The following MARCHF10 variants were observed in gnomAD, a reference collection of about 807,000 sequenced individuals.
MARCHF10 encodes the protein probable E3 ubiquitin-protein ligase MARCHF10.
MARCHF10 carries 64 observed loss-of-function variants against 76.2 expected under a neutral mutation model. The ratio of observed to expected loss-of-function variants is 0.84; its 90% CI spans 0.69 to 1.03. The LOEUF (loss-of-function observed/expected upper bound fraction) is 1.03. Among genes scored for constraint, MARCHF10 ranks in the 50% least tolerant of loss-of-function variants. MARCHF10 has a pLI of 0.00. For missense variants in MARCHF10, 875 were observed against 958.0 expected, an observed-to-expected ratio of 0.91 and a Z score of 1.14; for synonymous variants, 340 against 357.5, an observed-to-expected ratio of 0.95 and a Z score of 0.55.
chr17:62,736,044 A>G lies in MARCHF10; in HGVS notation c.1824T>C (p.His608=), dbSNP rs369963317. The G allele has an allele frequency of 3.5e-5, 57 of 1,614,202 alleles. No individual in the cohort carries two copies. Among genetic ancestry groups the G allele is most frequent in the Non-Finnish European group, 4.4e-5 (52 of 1,180,034 alleles). ...TCCCATTATCATTTTGATTTGGGAA[A>G]TGAGACACTGCAAAGAAAGTAAATG... ...NTPFTFFAVS[H]FPNQNDNGSR... is the part of the protein sequence containing the mutation. Residue 608 remains histidine, a synonymous_variant, in exon 6 of 11, where the codon CAT becomes CAC. Coordinates refer to ENST00000311269, the MANE Select transcript of MARCHF10 (RefSeq NM_152598.4).
rs181252048 is a variant in MARCHF10, at chr17:62,797,948, T to G, written c.90+3698A>C. 2.6e-4 allele frequency among the ~76,000 whole-genome samples: 40 copies of G among 151,984 alleles called. 1 individual carries two copies. Among genetic ancestry groups the G allele is most frequent in the African/African-American group, 9.6e-4 (40 of 41,466 alleles). On this transcript the variant is annotated intron_variant, in intron 2 of 10. Coordinates refer to ENST00000311269, the MANE Select transcript of MARCHF10 (RefSeq NM_152598.4). Reference sequence around the variant, plus strand: ...GACTTGGTAACTGGTGGGATGGGGATGAGGAGGGAGAGGAAGAGACAGGGA... The same window carrying G: ...GACTTGGTAACTGGTGGGATGGGGAGGAGGAGGGAGAGGAAGAGACAGGGA...
intron 3 of MARCHF10, among the ~76,000 whole-genome samples, chr17:62,766,771 T>G (rs9892858): frequency 0.16 from 23,792 of 152,150 alleles, 5,063 homozygotes; most frequent in African/African-American, 0.49. Context: ...TTGAGATGTA[T>G]CATACGCGCC....
chr17:62,793,454 C>A (rs1223674655), intron 2 of MARCHF10, among the ~76,000 whole-genome samples: 1 of 133,720 alleles, frequency 7.5e-6, no homozygotes. Flanking sequence ...ACCACCATCA[C>A]CACCACCATC....
At chr17:62,709,848 G>C (rs2089820093) in intron 9 of MARCHF10, among the ~76,000 whole-genome samples, 1 of 151,992 alleles carries the variant, frequency 6.6e-6, no homozygotes, top group African/African-American at 2.4e-5. Flanking sequence ...CCTCCCGGCA[G>C]CATCAACGGC....
chr17:62,803,049 C>T (rs189535585), intron 1 of MARCHF10, among the ~76,000 whole-genome samples: 7 of 152,280 alleles, frequency 4.6e-5, no homozygotes, highest in African/African-American at 9.6e-5. Flanking sequence ...TAGTGGCTCA[C>T]GCCTCCCGAG....
In MARCHF10 at chr17:62,771,340, G is replaced by A. The variant is rs149298897; in HGVS notation, c.211-11334C>T. Among the ~76,000 whole-genome samples the A allele has an allele frequency of 5.9e-3, 904 of 152,046 alleles. 3 individuals carry two copies. The highest frequency in any genetic ancestry group is 0.014 in the African/African-American group (580 of 41,452). On this transcript the variant is annotated intron_variant, in intron 3 of 10. Coordinates refer to ENST00000311269, the MANE Select transcript of MARCHF10 (RefSeq NM_152598.4). The stretch of plus-strand genomic sequence containing the variant: ...CCTCAGCTGCAATCTCAGGCATGGC[G>A]GGAGGGGGTGAGTGCTGCAAGGGGA...
At chr17:62,771,888 A>C (rs1039285179) in intron 3 of MARCHF10, among the ~76,000 whole-genome samples, 1 of 152,160 alleles carries the variant, frequency 6.6e-6, no homozygotes, top group Non-Finnish European at 1.5e-5. Flanking sequence ...GCTTGTCAAT[A>C]TCTCTCTACC....
intron 9 of MARCHF10, among the ~76,000 whole-genome samples, chr17:62,709,740 T>C (rs1223348629): frequency 6.6e-5 from 10 of 152,154 alleles, no homozygotes; most frequent in Non-Finnish European, 1.5e-4. Context: ...CCTACTTTCA[T>C]TTGGGTGCCT....
chr17:62,704,051 C>T (rs1026793604), intron 10 of MARCHF10, among the ~76,000 whole-genome samples: 3 of 150,960 alleles, frequency 2.0e-5, no homozygotes, highest in Admixed American at 6.6e-5. Flanking sequence ...GGGGAGGGGG[C>T]GCCTGGGCGC....
chr17:62,766,055 G>A (rs566301178), intron 3 of MARCHF10, among the ~76,000 whole-genome samples: 1 of 152,024 alleles, frequency 6.6e-6, no homozygotes, highest in Admixed American at 6.5e-5. Flanking sequence ...AATTAGCCAG[G>A]CATGGTGGTG....
At chr17:62,718,691 G>A (rs966835224) in intron 8 of MARCHF10, among the ~76,000 whole-genome samples, 7 of 152,068 alleles carry the variant, frequency 4.6e-5, no homozygotes, top group Non-Finnish European at 7.4e-5. Context: ...TCAGTATTTC[G>A]CCTCCCACAT....
At position 62,797,818 on chromosome 17, in the gene MARCHF10, A is replaced by G. The variant is rs547834471; in HGVS notation, c.90+3828T>C. ...GGATGCTAGGAGGCCAGTTATAAGG[A>G]TATTATAATGGTCTTGGACAGAAAT... On this transcript the variant is annotated intron_variant, in intron 2 of 10. Coordinates refer to ENST00000311269, the MANE Select transcript of MARCHF10 (RefSeq NM_152598.4). 3.9e-5 allele frequency among the ~76,000 whole-genome samples: 6 copies of G among 152,298 alleles called. No individual in the cohort carries two copies. In the South Asian group the frequency reaches 1.2e-3, roughly 32 times the overall value.
At chr17:62,729,979 C>T (rs1184616098) in intron 6 of MARCHF10, among the ~76,000 whole-genome samples, 2 of 152,174 alleles carry the variant, frequency 1.3e-5, no homozygotes, top group African/African-American at 2.4e-5. Context: ...GTCAGGGGTT[C>T]GAGACCAGCC....
intron 3 of MARCHF10, among the ~76,000 whole-genome samples, chr17:62,762,341 TA>T (rs2092228220): frequency 6.6e-6 from 1 of 152,220 alleles, no homozygotes; most frequent in Non-Finnish European, 1.5e-5. Context: ...TTCTAGGTAG[TA>T]ATCATTAAGA....
At chr17:62,710,863 G>A (rs1251883116) in intron 9 of MARCHF10, among the ~76,000 whole-genome samples, 1 of 152,038 alleles carries the variant, frequency 6.6e-6, no homozygotes, top group African/African-American at 2.4e-5. Flanking sequence ...ACCCAGCCAG[G>A]TTCCTCTTTT....
intron 3 of MARCHF10, chr17:62,780,902 C>T (rs1279361444): frequency 6.6e-6 from 1 of 152,176 alleles, no homozygotes; most frequent in African/African-American, 2.4e-5. Context: ...ATCGGGGCTC[C>T]TGTCCCCTCT....
intron 3 of MARCHF10, among the ~76,000 whole-genome samples, chr17:62,761,094 G>A (rs1169112895): frequency 1.3e-5 from 2 of 152,186 alleles, no homozygotes; most frequent in African/African-American, 2.4e-5. Context: ...TGGGTGTGAT[G>A]TAAGACAAAC....
intron 3 of MARCHF10, among the ~76,000 whole-genome samples, chr17:62,762,360 A>T (rs2092228965): frequency 6.6e-6 from 1 of 152,182 alleles, no homozygotes; most frequent in Admixed American, 6.5e-5. Context: ...AGAGTCTAGA[A>T]ATTGCAGCTA....
chr17:62,806,844 G>A (rs1431288398), intron 1 of MARCHF10, among the ~76,000 whole-genome samples: 1 of 152,120 alleles, frequency 6.6e-6, no homozygotes, highest in Non-Finnish European at 1.5e-5. Flanking sequence ...TCTGTTTTAT[G>A]ACCACATTTG....
Sources: allele counts gnomAD v4.1 joint callset (sites outside exome capture counted in the v4.1 genomes callset), GRCh38; gene constraint gnomAD v4.1.1; transcripts MANE v1.5; gene names NCBI Gene and HGNC (gene_info 2026-07-23, HGNC 2026-07-21).